Variants in TMEFF1 observed in about 807,000 individuals in gnomAD.
TMEFF1 encodes transmembrane protein with EGF like and two follistatin like domains 1, also known as tomoregulin-1.
A neutral mutation model predicts 47.5 loss-of-function variants in TMEFF1; 20 were observed. The observed-to-expected ratio is 0.42, with a 90% CI of 0.30 to 0.61. The LOEUF (loss-of-function observed/expected upper bound fraction) is 0.61, where lower values mean the gene tolerates loss of function less well. Ranked by LOEUF, TMEFF1 falls within the 20% of genes least tolerant of loss-of-function variation. The probability of loss-of-function intolerance (pLI) is 0.19; values close to 1 mark genes in which losing one functional copy is unlikely to be tolerated. For synonymous variants in TMEFF1, 162 were observed against 166.3 expected, an observed-to-expected ratio of 0.97 and a Z score of 0.20; for missense variants, 411 against 471.1, an observed-to-expected ratio of 0.87 and a Z score of 1.18.
chr9:100,485,214 A>T (rs1023481057), intron 1 of TMEFF1, among the ~76,000 whole-genome samples: 3 of 152,076 alleles, frequency 2.0e-5, no homozygotes, highest in African/African-American at 7.2e-5. Context: ...GTTGATAGAC[A>T]TTTTTTTGTT....
At chr9:100,482,504 T>G (rs1035952581) in intron 1 of TMEFF1, among the ~76,000 whole-genome samples, 2 of 152,128 alleles carry the variant, frequency 1.3e-5, no homozygotes, top group Non-Finnish European at 2.9e-5. Context: ...GCCTGCATTC[T>G]CTTCTAAACT....
chr9:100,521,069 G>T (rs1348500746), intron 5 of TMEFF1, among the ~76,000 whole-genome samples: 3 of 152,148 alleles, frequency 2.0e-5, no homozygotes, highest in Non-Finnish European at 4.4e-5. Flanking sequence ...TGCTTCCCTG[G>T]AATAGGAAAC....
intron 1 of TMEFF1, among the ~76,000 whole-genome samples, chr9:100,491,916 T>C (rs912958953): frequency 1.3e-5 from 2 of 151,478 alleles, no homozygotes; most frequent in Non-Finnish European, 2.9e-5. Flanking sequence ...AGTCTCGCTC[T>C]GTAGCCCAGG....
At chr9:100,479,296 C>T (rs1404589126) in intron 1 of TMEFF1, among the ~76,000 whole-genome samples, 1 of 152,180 alleles carries the variant, frequency 6.6e-6, no homozygotes, top group Non-Finnish European at 1.5e-5. Context: ...TGGTTAGCCT[C>T]TTACAGATAT....
chr9:100,484,972 T>C (rs1837422234), intron 1 of TMEFF1, among the ~76,000 whole-genome samples: 2 of 152,178 alleles, frequency 1.3e-5, no homozygotes, highest in African/African-American at 4.8e-5. Context: ...CTACCAACCC[T>C]GGCCATGATT....
chr9:100,518,430 T>C (rs1838109040), intron 5 of TMEFF1: 1 of 985,302 alleles, frequency 1.0e-6, no homozygotes, highest in South Asian at 4.7e-5. Context: ...ATACCAGCTC[T>C]AAGCATAAGG....
At chr9:100,479,667 A>G (rs550987336) in intron 1 of TMEFF1, among the ~76,000 whole-genome samples, 3 of 152,314 alleles carry the variant, frequency 2.0e-5, no homozygotes, top group East Asian at 3.9e-4. Context: ...AATGTTTTCA[A>G]TGTGCATCCA....
At chr9:100,480,301 G>A (rs1304201333) in intron 1 of TMEFF1, among the ~76,000 whole-genome samples, 5 of 152,000 alleles carry the variant, frequency 3.3e-5, no homozygotes, top group Non-Finnish European at 7.4e-5. Context: ...GTTGGCTCTC[G>A]TTTGTCATTT....
At chr9:100,519,398 C>T (rs941707167) in intron 5 of TMEFF1, among the ~76,000 whole-genome samples, 36 of 150,974 alleles carry the variant, frequency 2.4e-4, no homozygotes, top group Admixed American at 1.7e-3. Flanking sequence ...TGGAGTGAGA[C>T]TCCATCTCAA....
intron 2 of TMEFF1, among the ~76,000 whole-genome samples, chr9:100,507,325 G>C (rs1564013074): frequency 6.6e-6 from 1 of 152,098 alleles, no homozygotes; most frequent in Non-Finnish European, 1.5e-5. Context: ...GAACATATGG[G>C]TGCATGTGTC....
chr9:100,510,332 T>C (rs1399521937), intron 3 of TMEFF1, among the ~76,000 whole-genome samples: 1 of 152,194 alleles, frequency 6.6e-6, no homozygotes, highest in Non-Finnish European at 1.5e-5. Flanking sequence ...CAGAAGATTC[T>C]GGGAAGGTTC....
chr9:100,481,756 GTTTATTTA>G (rs1162623610), intron 1 of TMEFF1, among the ~76,000 whole-genome samples: 2 of 151,020 alleles, frequency 1.3e-5, no homozygotes, highest in African/African-American at 4.9e-5. Flanking sequence ...CAGGTTTTTT[GTTTATTTA>G]TTTATTTATT....
intron 5 of TMEFF1, among the ~76,000 whole-genome samples, chr9:100,527,128 G>A (rs1242644814): frequency 6.6e-6 from 1 of 151,506 alleles, no homozygotes; most frequent in African/African-American, 2.4e-5. Flanking sequence ...GGGCGACAGA[G>A]TGAAACTCTG....
chr9:100,513,387 C>CTTTTTTTT, intron 4 of TMEFF1, 54 bp downstream of exon 4: 1 of 1,380,612 alleles, frequency 7.2e-7, no homozygotes, highest in Non-Finnish European at 9.6e-7. Flanking sequence ...TTCTTTCTTT[C>CTTTTTTTT]TTTTTCTTTT....
chr9:100,514,093 G>C (rs1255322238), intron 4 of TMEFF1, among the ~76,000 whole-genome samples: 1 of 151,976 alleles, frequency 6.6e-6, no homozygotes. Context: ...AATAATGTTT[G>C]AGATATTATG....
chr9:100,532,469 C>CA (rs1838404572), intron 5 of TMEFF1, among the ~76,000 whole-genome samples: 1 of 151,926 alleles, frequency 6.6e-6, no homozygotes, highest in Non-Finnish European at 1.5e-5. Flanking sequence ...TTTATGCAGC[C>CA]AAAAAACACA....
At position 100,503,001 on chromosome 9, in the gene TMEFF1, A is replaced by G. The variant is rs1377033196; in HGVS notation, c.306+4127A>G. ...TTGCTGCCGAGTGAACCTTCCTTTGACCATTCTGCCTTCCTTTATAAGATT... is the reference window on the plus strand; with the variant it reads ...TTGCTGCCGAGTGAACCTTCCTTTGGCCATTCTGCCTTCCTTTATAAGATT... On this transcript the variant is annotated intron_variant, in intron 2 of 9. Coordinates refer to ENST00000374879, the MANE Select transcript of TMEFF1 (RefSeq NM_003692.5). Among the ~76,000 whole-genome samples the G allele has an allele frequency of 3.3e-5, 5 of 152,194 alleles. No homozygotes were observed. The East Asian group carries it at 5.8e-4, about 18-fold the overall frequency.
intron 7 of TMEFF1, among the ~76,000 whole-genome samples, chr9:100,558,783 C>T (rs1018377946): frequency 6.6e-6 from 1 of 151,926 alleles, no homozygotes; most frequent in Non-Finnish European, 1.5e-5. Context: ...CGGAACAATA[C>T]TTGGTAATAC....
intron 2 of TMEFF1, among the ~76,000 whole-genome samples, chr9:100,505,238 C>T (rs894311099): frequency 2.0e-5 from 3 of 151,058 alleles, no homozygotes; most frequent in Admixed American, 2.0e-4. Flanking sequence ...ATGGTGAAAC[C>T]CCGTCTCTAC....
Sources: allele counts gnomAD v4.1 joint callset (sites outside exome capture counted in the v4.1 genomes callset), GRCh38; gene constraint gnomAD v4.1.1; transcripts MANE v1.5; gene names NCBI Gene and HGNC (gene_info 2026-07-23, HGNC 2026-07-21).